Variants in TEX9 observed in about 807,000 individuals in gnomAD.
The protein encoded by TEX9 is testis-expressed protein 9.
In TEX9, 74 loss-of-function variants were observed where a neutral mutation model predicts 59.6. The ratio of observed to expected loss-of-function variants is 1.24; its 90% CI spans 1.03 to 1.51. The LOEUF (loss-of-function observed/expected upper bound fraction) is 1.51, where lower values mean the gene tolerates loss of function less well. Ranked by LOEUF, TEX9 falls within the 40% of genes most tolerant of loss-of-function variation. TEX9 has a pLI of 0.00. For synonymous variants in TEX9, 186 were observed against 152.2 expected, an observed-to-expected ratio of 1.22 and a Z score of -1.64; for missense variants, 522 against 447.8, an observed-to-expected ratio of 1.17 and a Z score of -1.49.
At chr15:56,428,221 C>G in intron 11 of TEX9, 146 bp from the exon 12 acceptor site, 1 of 567,514 alleles carries the variant, frequency 1.8e-6, no homozygotes, top group Non-Finnish European at 3.1e-6. Flanking sequence ...TTTCAAATAT[C>G]ATGCTTATTG....
the TEX9 span, among the ~76,000 whole-genome samples, chr15:56,453,075 C>T: frequency 6.6e-6 from 1 of 152,102 alleles, no homozygotes; most frequent in Non-Finnish European, 1.5e-5. Flanking sequence ...ACAGATATTA[C>T]AGCATGTTTC....
At chr15:56,371,364 T>G (rs1259992072) in intron 2 of TEX9, among the ~76,000 whole-genome samples, 1 of 152,222 alleles carries the variant, frequency 6.6e-6, no homozygotes, top group East Asian at 1.9e-4. Context: ...TTTCAGTGAC[T>G]GTGTTTTTCA....
In TEX9 at chr15:56,252,395, T is replaced by TTTTTG. The variant is rs1555428860; in HGVS notation, c.-107+8117_-107+8118insTTTTG. Among the ~76,000 whole-genome samples the TTTTTG allele has an allele frequency of 8.6e-4, 130 of 150,542 alleles. 1 individual carries two copies. The highest frequency in any genetic ancestry group is 2.9e-3 in the African/African-American group (118 of 40,632). On this transcript the variant is annotated intron_variant, in intron 1 of 5. Transcript: ENST00000560827. The stretch of plus-strand genomic sequence containing the variant: ...TAGAAAAACCTTTTTTTTTTTTTTT[T>TTTTTG]GTCCAGGCCACAAAATAAAAGCAGA...
At position 56,395,037 on chromosome 15, in the gene TEX9, G is replaced by A. The variant is rs755882122; in HGVS notation, c.828+203G>A. 1.0e-5 allele frequency: 6 copies of A among 573,420 alleles called. No homozygotes were observed. The Admixed American group carries it at 1.8e-4, about 17-fold the overall frequency. The allele number at this position is 573,420 out of a possible 1,614,324, so 35.5% of individuals were successfully genotyped here. A position where few individuals can be genotyped will look rare whatever the true frequency, so the allele number is the denominator to read the frequency against. On this transcript the variant is annotated intron_variant, in intron 9 of 12. Coordinates refer to ENST00000352903, the Ensembl canonical transcript of TEX9. ...AAAGTATGCAATTCAATGGCTTTTG[G>A]TGTATTCATAGAATTGTGCAACTAT...
intron 9 of TEX9, chr15:56,396,377 G>A (rs1160899385): frequency 1.3e-5 from 2 of 152,060 alleles, no homozygotes; most frequent in East Asian, 3.9e-4. Flanking sequence ...AATGTATGCA[G>A]TAATATAACT....
At chr15:56,250,147 A>C (rs1443842602) in intron 1 of TEX9, among the ~76,000 whole-genome samples, 1 of 152,250 alleles carries the variant, frequency 6.6e-6, no homozygotes, top group Admixed American at 6.5e-5. Flanking sequence ...GATTTAAAGA[A>C]TAGTGACATG....
the TEX9 span, among the ~76,000 whole-genome samples, chr15:56,460,009 A>AAAAATATATATATATATATAT: frequency 3.8e-5 from 1 of 26,388 alleles, no homozygotes; most frequent in African/African-American, 1.5e-4. Flanking sequence ...AAAAAAAAAA[A>AAAAATATATATATATATATAT]ATACATATAT....
chr15:56,266,832 G>A (rs1231442186), intron 1 of TEX9, among the ~76,000 whole-genome samples: 1 of 152,188 alleles, frequency 6.6e-6, no homozygotes, highest in Non-Finnish European at 1.5e-5. Context: ...AATCCTTTGG[G>A]TATATACCCA....
Position 56,293,607 on chromosome 15 carries a change from C to T in TEX9, c.-107+49329C>T, listed in dbSNP as rs748714880. Among the ~76,000 whole-genome samples, 45 of 152,098 alleles carry T rather than the reference C, an allele frequency of 3.0e-4. 1 individual carries two copies. Among genetic ancestry groups the T allele is most frequent in the Admixed American group, 1.4e-3 (22 of 15,276 alleles). On this transcript the variant is annotated intron_variant, in intron 1 of 5. Coordinates refer to the TEX9 transcript ENST00000560827. ...CATGGCCTACAAATGTAATTTATGA[C>T]GGGGCTTTGGGCCGCAGGGTATCAG...
chr15:56,287,888 G>GTA lies in TEX9; in HGVS notation c.-107+43620_-107+43621dup, dbSNP rs535944450. ...TTAAGATTGAATAGTATTCCGTTGT[G>GTA]TATATATATATTTTCTTTATCCATT... On this transcript the variant is annotated intron_variant, in intron 1 of 5. Coordinates refer to the TEX9 transcript ENST00000560827. Among the ~76,000 whole-genome samples, 4 of 152,114 alleles carry GTA rather than the reference G, an allele frequency of 2.6e-5. No individual in the cohort carries two copies. The South Asian group carries it at 6.2e-4, about 24-fold the overall frequency.
chr15:56,317,172 T>A (rs1339258929), intron 1 of TEX9, among the ~76,000 whole-genome samples: 2 of 152,192 alleles, frequency 1.3e-5, no homozygotes, highest in Non-Finnish European at 2.9e-5. Context: ...TCTTGGCTCC[T>A]CCCCCCTTGT....
chr15:56,321,734 A>G (rs2045908404), intron 1 of TEX9, among the ~76,000 whole-genome samples: 1 of 152,148 alleles, frequency 6.6e-6, no homozygotes, highest in South Asian at 2.1e-4. Context: ...AAATATATCT[A>G]TGCTTAAGTT....
chr15:56,345,128 A>G (rs2046446487), intron 1 of TEX9, among the ~76,000 whole-genome samples: 1 of 150,472 alleles, frequency 6.6e-6, no homozygotes, highest in African/African-American at 2.4e-5. Flanking sequence ...TCTTCCATGC[A>G]TTAGTGATAA....
intron 1 of TEX9, among the ~76,000 whole-genome samples, chr15:56,299,104 C>A (rs1406648059): frequency 1.3e-5 from 2 of 152,136 alleles, no homozygotes; most frequent in Non-Finnish European, 2.9e-5. Flanking sequence ...AACATTATAT[C>A]AGTGAAAGAA....
chr15:56,254,731 A>G (rs534685640), intron 1 of TEX9, among the ~76,000 whole-genome samples: 40 of 151,642 alleles, frequency 2.6e-4, no homozygotes, highest in Non-Finnish European at 3.4e-4. Context: ...AAAGATGAAT[A>G]CAAATTCTTT....
chr15:56,416,139 G>T (rs1419492423), intron 10 of TEX9, among the ~76,000 whole-genome samples: 2 of 151,728 alleles, frequency 1.3e-5, no homozygotes, highest in Admixed American at 1.3e-4. Flanking sequence ...AAGACTATGG[G>T]GTCTTCTAGA....
At chr15:56,338,257 T>G (rs2046297130) in intron 1 of TEX9, among the ~76,000 whole-genome samples, 1 of 152,236 alleles carries the variant, frequency 6.6e-6, no homozygotes, top group Non-Finnish European at 1.5e-5. Context: ...TAATCTACTT[T>G]TGCCACTTGG....
intron 1 of TEX9, among the ~76,000 whole-genome samples, chr15:56,281,066 T>C (rs767857832): frequency 2.9e-4 from 44 of 152,202 alleles, no homozygotes; most frequent in Admixed American, 2.6e-3. Flanking sequence ...AAATCTTGTA[T>C]TGAAGAGGTT....
intron 1 of TEX9, among the ~76,000 whole-genome samples, chr15:56,304,386 A>T (rs1324393526): frequency 6.6e-6 from 1 of 152,202 alleles, no homozygotes; most frequent in African/African-American, 2.4e-5. Context: ...TGGGTCTGTC[A>T]TATAAAGTTT....
Sources: allele counts gnomAD v4.1 joint callset (sites outside exome capture counted in the v4.1 genomes callset), GRCh38; gene constraint gnomAD v4.1.1; transcripts MANE v1.5; gene names NCBI Gene and HGNC (gene_info 2026-07-23, HGNC 2026-07-21).